Variants in KCNQ1 observed in about 807,000 individuals in gnomAD.
KCNQ1 encodes potassium voltage-gated channel subfamily KQT member 1.
KCNQ1 carries 49 observed loss-of-function variants against 72.4 expected under a neutral mutation model. That is an observed-to-expected ratio of 0.68 (90% confidence interval 0.54 to 0.86). The LOEUF (loss-of-function observed/expected upper bound fraction) is 0.86, where lower values mean the gene tolerates loss of function less well. KCNQ1 is among the 40% of genes least tolerant of loss of function. The probability of loss-of-function intolerance (pLI) is 0.00; values close to 1 mark genes in which losing one functional copy is unlikely to be tolerated. For missense variants in KCNQ1, 790 were observed against 945.1 expected, an observed-to-expected ratio of 0.84 and a Z score of 2.15; for synonymous variants, 450 against 412.6, an observed-to-expected ratio of 1.09 and a Z score of -1.10.
At chr11:2,634,160 T>TTC (rs1243363648) in intron 10 of KCNQ1, 14 of 396,676 alleles carry the variant, frequency 3.5e-5, no homozygotes, top group African/African-American at 2.7e-4. Context: ...GATTTCTCTT[T>TTC]TCTCTCTCTC....
rs1292380538 is a variant in KCNQ1 at position 2,483,573 on chromosome 11, C to T, written c.386+38089C>T. Among the ~76,000 whole-genome samples, 1 of 152,192 alleles carries T rather than the reference C, an allele frequency of 6.6e-6. No homozygotes were observed. The highest frequency in any genetic ancestry group is 2.4e-5 in the African/African-American group (1 of 41,452). ...AGCCTGTGCCAGCTCCTCAGTCTCT[C>T]TTTGTCTTTCGTGACCTTGATGTTT... is the stretch of plus-strand genomic sequence containing the variant. On this transcript the variant is annotated intron_variant, in intron 1 of 15. Coordinates refer to ENST00000155840, the MANE Select transcript of KCNQ1 (RefSeq NM_000218.3). The surrounding 1 kb of genome is among the most constrained non-coding windows in gnomAD (Gnocchi z 6.1).
intron 10 of KCNQ1, chr11:2,616,692 T>A (rs1381514419): frequency 5.0e-6 from 2 of 398,126 alleles, no homozygotes; most frequent in Non-Finnish European, 8.9e-6. Flanking sequence ...ATTTGTTAAT[T>A]TTTAGGTTTT....
chr11:2,607,502 C>T (rs567447341), intron 10 of KCNQ1, among the ~76,000 whole-genome samples: 34 of 152,188 alleles, frequency 2.2e-4, no homozygotes, highest in African/African-American at 7.7e-4. Context: ...GTAAAAGAGA[C>T]CTCAGTGAGC....
intron 6 of KCNQ1, among the ~76,000 whole-genome samples, chr11:2,578,067 T>C (rs1564822799): frequency 6.6e-6 from 1 of 152,218 alleles, no homozygotes; most frequent in South Asian, 2.1e-4. Context: ...CAGAAGGCTC[T>C]AGACAGGCTC....
rs1292047866 is a variant in KCNQ1 at position 2,657,487 on chromosome 11, T to G, written c.1394-4474T>G. On this transcript the variant is annotated intron_variant, in intron 10 of 15. Coordinates refer to ENST00000155840, the MANE Select transcript of KCNQ1 (RefSeq NM_000218.3). The surrounding 1 kb of genome is among the most constrained non-coding windows in gnomAD (Gnocchi z 4.8). ...ACAGGTTCTGTTTTCTCTTGTTACC[T>G]CACATTTTTTATTTACAGAAGAGAA... is the stretch of plus-strand genomic sequence containing the variant. 2.5e-6 allele frequency: 1 copy of G among 398,452 alleles called. No individual in the cohort carries two copies. Among genetic ancestry groups the G allele is most frequent in the African/African-American group, 2.1e-5 (1 of 48,644 alleles). The allele number at this position is 398,452 out of a possible 1,614,324, so 24.7% of individuals were successfully genotyped here. A position where few individuals can be genotyped will look rare whatever the true frequency, so the allele number is the denominator to read the frequency against.
chr11:2,692,727 TGCTCCTATC>T, intron 11 of KCNQ1: 1 of 398,716 alleles, frequency 2.5e-6, no homozygotes, highest in Non-Finnish European at 4.4e-6. Context: ...GGCAGGTCCC[TGCTCCTATC>T]AAATCCCTCC....
In KCNQ1 at chr11:2,691,200, A is replaced by G; in HGVS notation, c.1514+29119A>G. The G allele has an allele frequency of 5.0e-6, 2 of 398,588 alleles. No homozygotes were observed. The highest frequency in any genetic ancestry group is 8.8e-6 in the Non-Finnish European group (2 of 226,068). 24.7% of individuals were successfully genotyped at this position (398,588 alleles called of 1,614,324 possible). On this transcript the variant is annotated intron_variant, in intron 11 of 15. Coordinates refer to ENST00000155840, the MANE Select transcript of KCNQ1 (RefSeq NM_000218.3). This position sits in a 1 kb window ranked among gnomAD's most constrained non-coding sequence, Gnocchi z 6.4. ...GGTGCTCAGAGCTCAGCTGTGTTTAAAAATTAGCAAGTGGAGGAGTTAGAG... is the reference window on the plus strand; with the variant it reads ...GGTGCTCAGAGCTCAGCTGTGTTTAGAAATTAGCAAGTGGAGGAGTTAGAG...
At chr11:2,847,672 C>A in intron 15 of KCNQ1, 95 bp from the exon 16 acceptor site, 1 of 1,196,400 alleles carries the variant, frequency 8.4e-7, no homozygotes, top group Non-Finnish European at 1.2e-6. Flanking sequence ...CGGTTGGCAC[C>A]TTCCCTTCTC....
chr11:2,647,555 G>C lies in KCNQ1; in HGVS notation c.1394-14406G>C. 7.5e-6 allele frequency: 3 copies of C among 398,496 alleles called. No homozygotes were observed. The highest frequency in any genetic ancestry group is 1.3e-5 in the Non-Finnish European group (3 of 226,040). 24.7% of individuals were successfully genotyped at this position (398,496 alleles called of 1,614,324 possible). ...GAATTCCTTTCTCTTCAGTCTTTTG[G>C]AATTGTCTGAGAAGAATTCATGTTA... On this transcript the variant is annotated intron_variant, in intron 10 of 15. Coordinates refer to ENST00000155840, the MANE Select transcript of KCNQ1 (RefSeq NM_000218.3). The surrounding 1 kb of genome is among the most constrained non-coding windows in gnomAD (Gnocchi z 4.0).
rs1352413333 is a variant in KCNQ1 at position 2,488,642 on chromosome 11, A to G, written c.387-39286A>G. ...AGGTTATCCAATTTGTTGATACACA[A>G]TTGTTCACAATACTCTCTTATAATC... On this transcript the variant is annotated intron_variant, in intron 1 of 15. Coordinates refer to ENST00000155840, the MANE Select transcript of KCNQ1 (RefSeq NM_000218.3). This position sits in a 1 kb window ranked among gnomAD's most constrained non-coding sequence, Gnocchi z 5.1. 3.3e-5 allele frequency among the ~76,000 whole-genome samples: 5 copies of G among 152,204 alleles called. No individual in the cohort carries two copies. Among genetic ancestry groups the G allele is most frequent in the Non-Finnish European group, 7.3e-5 (5 of 68,036 alleles).
chr11:2,597,191 C>G (rs1848745019), intron 10 of KCNQ1, among the ~76,000 whole-genome samples: 1 of 152,122 alleles, frequency 6.6e-6, no homozygotes, highest in East Asian at 1.9e-4. Flanking sequence ...TGATAACACT[C>G]TATGGGTATG....
chr11:2,466,782 TCC>T (rs1271395191), intron 1 of KCNQ1, among the ~76,000 whole-genome samples: 4 of 152,034 alleles, frequency 2.6e-5, no homozygotes, highest in Non-Finnish European at 5.9e-5. Flanking sequence ...TTCCTTAGCC[TCC>T]CTTGGCCTCA....
chr11:2,709,252 G>A (rs1366350797), intron 11 of KCNQ1, among the ~76,000 whole-genome samples: 1 of 49,996 alleles, frequency 2.0e-5, no homozygotes, highest in Non-Finnish European at 3.3e-5. Context: ...AGCCCCAGCT[G>A]CAGAGGACTT....
At chr11:2,513,506 A>G (rs1847242542) in intron 1 of KCNQ1, among the ~76,000 whole-genome samples, 1 of 152,174 alleles carries the variant, frequency 6.6e-6, no homozygotes, top group Non-Finnish European at 1.5e-5. Flanking sequence ...GGCATGGCCC[A>G]GGCACCTGCT....
intron 2 of KCNQ1, among the ~76,000 whole-genome samples, chr11:2,545,535 T>G (rs1847891788): frequency 6.6e-6 from 1 of 152,188 alleles, no homozygotes; most frequent in African/African-American, 2.4e-5. Flanking sequence ...ATAGTTATAT[T>G]CAGGTGATTG....
At chr11:2,522,200 T>A (rs2283149) in intron 1 of KCNQ1, among the ~76,000 whole-genome samples, 1 of 151,650 alleles carries the variant, frequency 6.6e-6, no homozygotes, top group Admixed American at 6.6e-5. Context: ...CTCATGCAGC[T>A]CCCCGCCCCC....
At chr11:2,604,928 C>T (rs1036523899) in intron 10 of KCNQ1, among the ~76,000 whole-genome samples, 16 of 152,282 alleles carry the variant, frequency 1.1e-4, no homozygotes, top group African/African-American at 3.1e-4. Flanking sequence ...ATGAGCACTG[C>T]GCAAGTTCTC....
At position 2,768,698 on chromosome 11, in the gene KCNQ1, C is replaced by G. The variant is rs1217058312; in HGVS notation, c.1515-146C>G. The G allele has an allele frequency of 2.8e-6, 2 of 725,598 alleles. No individual in the cohort carries two copies. The highest frequency in any genetic ancestry group is 1.7e-5 in the African/African-American group (1 of 57,598). The allele number at this position is 725,598 out of a possible 1,614,324, so 44.9% of individuals were successfully genotyped here. On this transcript the variant is annotated intron_variant, in intron 11 of 15. Transcript: ENST00000155840. The surrounding 1 kb of genome is among the most constrained non-coding windows in gnomAD (Gnocchi z 6.7). ...CCTCGAGCCCACACTGGGACATGGC[C>G]TAAGTATCTCCATCCCATGGAGTTG... is the stretch of plus-strand genomic sequence containing the variant.
intron 1 of KCNQ1, among the ~76,000 whole-genome samples, chr11:2,453,682 G>A (rs1283851694): frequency 6.6e-6 from 1 of 152,322 alleles, no homozygotes; most frequent in Admixed American, 6.5e-5. Context: ...GACTCTGTGA[G>A]GAAGGGATTT....
Sources: gnomAD v4.1 joint callset for allele counts (sites outside exome capture counted in the v4.1 genomes callset) on GRCh38, gnomAD v4.1.1 for gene constraint, Gnocchi (gnomAD v3.1) non-coding constraint, MANE v1.5 for transcripts, NCBI Gene and HGNC (gene_info 2026-07-23, HGNC 2026-07-21) for gene names.